MYO3B: variants seen among roughly 807,000 people sequenced by gnomAD.
MYO3B encodes the protein myosin-IIIb.
A neutral mutation model predicts 174.6 loss-of-function variants in MYO3B; 156 were observed. That is an observed-to-expected ratio of 0.89 (90% CI 0.78 to 1.02). The LOEUF (loss-of-function observed/expected upper bound fraction) is 1.02, where lower values mean the gene tolerates loss of function less well. Ranked by LOEUF, MYO3B falls within the 50% of genes least tolerant of loss-of-function variation. The probability of loss-of-function intolerance (pLI) is 0.00; values close to 1 mark genes in which losing one functional copy is unlikely to be tolerated. For synonymous variants in MYO3B, 563 were observed against 569.1 expected, an observed-to-expected ratio of 0.99 and a Z score of 0.15; for missense variants, 1,632 against 1,639.4, an observed-to-expected ratio of 1.00 and a Z score of 0.08.
intron 16 of MYO3B, among the ~76,000 whole-genome samples, chr2:170,399,349 C>A (rs2094461045): frequency 6.8e-6 from 1 of 148,060 alleles, no homozygotes; most frequent in Admixed American, 6.8e-5. Context: ...CAGTGCATGT[C>A]TGTAATCCCA....
chr2:170,491,417 TTTAA>T (rs1268882977), intron 25 of MYO3B, among the ~76,000 whole-genome samples: 2 of 150,970 alleles, frequency 1.3e-5, no homozygotes. Context: ...TTGAGTATTT[TTTAA>T]TTAATTAATT....
At chr2:170,236,172 CTT>C (rs1559323929) in intron 7 of MYO3B, 36 bp downstream of exon 7, 2 of 1,610,114 alleles carry the variant, frequency 1.2e-6, no homozygotes, top group Admixed American at 3.4e-5. Flanking sequence ...CTCATTAGTT[CTT>C]TGTGAAAGCG....
At chr2:170,408,963 A>G (rs1291565423) in intron 22 of MYO3B, among the ~76,000 whole-genome samples, 1 of 152,136 alleles carries the variant, frequency 6.6e-6, no homozygotes, top group Non-Finnish European at 1.5e-5. Flanking sequence ...AGCTCGGGGC[A>G]GGTGTGGAAA....
chr2:170,347,194 A>G (rs1480412562), intron 8 of MYO3B, among the ~76,000 whole-genome samples: 1 of 152,220 alleles, frequency 6.6e-6, no homozygotes, highest in African/African-American at 2.4e-5. Flanking sequence ...GCTTACTGTC[A>G]GATGTTGTGC....
intron 13 of MYO3B, among the ~76,000 whole-genome samples, chr2:170,386,610 T>C (rs1345238371): frequency 6.6e-6 from 1 of 152,152 alleles, no homozygotes; most frequent in Non-Finnish European, 1.5e-5. Flanking sequence ...ATTAAAAGGA[T>C]GTAAAATAGA....
At chr2:170,354,605 A>G (rs2094105372) in intron 8 of MYO3B, among the ~76,000 whole-genome samples, 1 of 152,180 alleles carries the variant, frequency 6.6e-6, no homozygotes, top group Non-Finnish European at 1.5e-5. Flanking sequence ...AAGTATTCCA[A>G]ACTGTCTCCC....
chr2:170,401,802 C>CTTTCT lies in MYO3B; in HGVS notation c.2129+114_2129+115insCTTTT, dbSNP rs1553483157. The CTTTCT allele has an allele frequency of 9.9e-5, 69 of 699,514 alleles. 1 individual carries two copies. Among genetic ancestry groups the CTTTCT allele is most frequent in the East Asian group, 1.5e-4 (5 of 33,614 alleles). 43.3% of individuals were successfully genotyped at this position (699,514 alleles called of 1,614,324 possible). A position where few individuals can be genotyped will look rare whatever the true frequency, so the allele number is the denominator to read the frequency against. ...CCTCTCTGGGATTTTCTTTCTTTTT[C>CTTTCT]TTTTTTTTTTTTTTTGTGGAGTCAG... is the stretch of plus-strand genomic sequence containing the variant. On this transcript the variant is annotated intron_variant, in intron 18 of 34. Transcript: ENST00000408978.
intron 8 of MYO3B, among the ~76,000 whole-genome samples, chr2:170,353,658 G>A (rs1248935870): frequency 6.6e-6 from 1 of 152,008 alleles, no homozygotes; most frequent in Non-Finnish European, 1.5e-5. Flanking sequence ...GTGTAGGGGG[G>A]CCGGGGTATA....
chr2:170,603,931 A>G (rs930293127), intron 32 of MYO3B, among the ~76,000 whole-genome samples: 5 of 152,188 alleles, frequency 3.3e-5, no homozygotes, highest in African/African-American at 7.2e-5. Context: ...TACCTTTTCT[A>G]AGTTTACATA....
Position 170,258,134 on chromosome 2 carries a change from C to T in MYO3B, c.749+21998C>T, listed in dbSNP as rs1241604860. 2.6e-5 allele frequency among the ~76,000 whole-genome samples: 4 copies of T among 152,106 alleles called. No homozygotes were observed. In the East Asian group the frequency reaches 7.7e-4, roughly 29 times the overall value. ...GACTAGATGGATTCCCAGCTGAATT[C>T]TACCAGACAGACAAAGAGCTGGTAC... On this transcript the variant is annotated intron_variant, in intron 7 of 34. Coordinates refer to ENST00000408978, the MANE Select transcript of MYO3B (RefSeq NM_138995.5).
intron 32 of MYO3B, among the ~76,000 whole-genome samples, chr2:170,547,005 C>T (rs970223717): frequency 2.0e-5 from 3 of 152,090 alleles, no homozygotes; most frequent in African/African-American, 7.2e-5. Flanking sequence ...GGGGCTTAAA[C>T]AAGGCTGTCT....
At chr2:170,203,609 T>G (rs1304195526) in intron 3 of MYO3B, among the ~76,000 whole-genome samples, 1 of 152,126 alleles carries the variant, frequency 6.6e-6, no homozygotes, top group African/African-American at 2.4e-5. Flanking sequence ...AAGTATAATC[T>G]AGACCTGAAT....
At chr2:170,179,910 C>T (rs766148124) in intron 1 of MYO3B, among the ~76,000 whole-genome samples, 2 of 152,172 alleles carry the variant, frequency 1.3e-5, no homozygotes, top group African/African-American at 4.8e-5. Flanking sequence ...TTTCCTCTGA[C>T]ATTTCACAGT....
chr2:170,499,947 C>CTTCT lies in MYO3B; in HGVS notation c.3289+143_3289+146dup. On this transcript the variant is annotated intron_variant, in intron 27 of 34. Transcript: ENST00000408978. ...CCTCCCTCCCTCCCTTCCTTCCTTCCTTCTTTCCTTCCTTCCTTCCTTCTT... is the reference window on the plus strand; with the variant it reads ...CCTCCCTCCCTCCCTTCCTTCCTTCCTTCTTTCTTTCCTTCCTTCCTTCCTTCTT... 5 of 657,502 alleles carry CTTCT rather than the reference C, an allele frequency of 7.6e-6. No homozygotes were observed. The South Asian group carries it at 1.1e-4, about 14-fold the overall frequency. The allele number at this position is 657,502 out of a possible 1,614,324, so 40.7% of individuals were successfully genotyped here. A position where few individuals can be genotyped will look rare whatever the true frequency, so the allele number is the denominator to read the frequency against.
intron 7 of MYO3B, among the ~76,000 whole-genome samples, chr2:170,308,728 T>C (rs2093717567): frequency 6.6e-6 from 1 of 152,148 alleles, no homozygotes; most frequent in Admixed American, 6.6e-5. Context: ...TCATTCCTTC[T>C]CACATTCCTA....
intron 32 of MYO3B, among the ~76,000 whole-genome samples, chr2:170,612,113 A>G (rs938510813): frequency 2.0e-5 from 3 of 152,158 alleles, no homozygotes; most frequent in Non-Finnish European, 1.5e-5. Context: ...CCCCTTCCCT[A>G]AAAATCTGCA....
At chr2:170,343,413 A>T (rs1278812908) in intron 8 of MYO3B, 2 of 150,160 alleles carry the variant, frequency 1.3e-5, no homozygotes, top group African/African-American at 2.4e-5. Context: ...AGCCTGAATG[A>T]TGAAGAGAGA....
At chr2:170,616,817 C>T (rs548368857) in intron 32 of MYO3B, among the ~76,000 whole-genome samples, 176 of 152,268 alleles carry the variant, frequency 1.2e-3, no homozygotes, top group African/African-American at 4.0e-3. Context: ...TGAGAGGCCT[C>T]AAAAATCTGT....
intron 32 of MYO3B, among the ~76,000 whole-genome samples, chr2:170,590,751 GGGAGAGTCGGT>G (rs1447921710): frequency 6.6e-6 from 1 of 152,128 alleles, no homozygotes; most frequent in African/African-American, 2.4e-5. Flanking sequence ...AACCCAAAAG[GGGAGAGTCGGT>G]GGTGGGGTGC....
Sources: gnomAD v4.1 joint callset for allele counts (sites outside exome capture counted in the v4.1 genomes callset) on GRCh38, gnomAD v4.1.1 for gene constraint, MANE v1.5 for transcripts, NCBI Gene and HGNC (gene_info 2026-07-23, HGNC 2026-07-21) for gene names.